The following ABAT variants were observed in gnomAD, a reference collection of about 807,000 sequenced individuals.
ABAT encodes the protein 4-aminobutyrate aminotransferase.
ABAT carries 45 observed loss-of-function variants against 64.6 expected under a neutral mutation model. The ratio of observed to expected loss-of-function variants is 0.70; its 90% CI spans 0.55 to 0.89. The LOEUF is 0.89. ABAT is among the 40% of genes least tolerant of loss of function. The pLI, the probability that ABAT is intolerant of heterozygous loss-of-function variation, is 0.00. For synonymous variants in ABAT, 297 were observed against 250.5 expected (o/e 1.19, Z -1.75); for missense variants, 633 against 658.4 (o/e 0.96, Z 0.42).
intron 1 of ABAT, among the ~76,000 whole-genome samples, chr16:8,694,941 C>T (rs982496873): frequency 3.9e-5 from 6 of 152,260 alleles, no homozygotes; most frequent in South Asian, 2.1e-4. Context: ...CCCGCCTACA[C>T]TCTGCCTTCC....
chr16:8,775,849 T>C (rs891144589), intron 13 of ABAT, among the ~76,000 whole-genome samples: 1 of 151,890 alleles, frequency 6.6e-6, no homozygotes, highest in Non-Finnish European at 1.5e-5. Flanking sequence ...CTGGGAAGGG[T>C]GTTTCAGTTA....
chr16:8,694,482 C>G (rs1387206355), intron 1 of ABAT, among the ~76,000 whole-genome samples: 2 of 152,034 alleles, frequency 1.3e-5, no homozygotes, highest in Non-Finnish European at 2.9e-5. Context: ...CCTTGAGCTC[C>G]TGGGCTTAAG....
At chr16:8,722,192 C>T (rs907978984) in intron 1 of ABAT, among the ~76,000 whole-genome samples, 5 of 152,200 alleles carry the variant, frequency 3.3e-5, no homozygotes, top group African/African-American at 1.2e-4. Flanking sequence ...CTTGGGCGGT[C>T]CACTCTGTCC....
At chr16:8,740,539 T>A (rs1042306628) in intron 2 of ABAT, among the ~76,000 whole-genome samples, 1 of 152,126 alleles carries the variant, frequency 6.6e-6, no homozygotes, top group Non-Finnish European at 1.5e-5. Context: ...TGGCAACTGC[T>A]CCCTCAAAGC....
intron 1 of ABAT, among the ~76,000 whole-genome samples, chr16:8,685,029 A>G (rs2057420886): frequency 6.6e-6 from 1 of 152,126 alleles, no homozygotes; most frequent in Non-Finnish European, 1.5e-5. Context: ...TCATGCCTGC[A>G]ATCCTAGCAC....
At chr16:8,733,522 T>C (rs1398252132) in intron 1 of ABAT, among the ~76,000 whole-genome samples, 1 of 151,890 alleles carries the variant, frequency 6.6e-6, no homozygotes, top group Admixed American at 6.5e-5. Flanking sequence ...ATCACGCCGC[T>C]GCACTCCAGC....
chr16:8,760,718 C>T (rs752501276), intron 6 of ABAT, among the ~76,000 whole-genome samples: 17 of 152,212 alleles, frequency 1.1e-4, no homozygotes, highest in Non-Finnish European at 2.1e-4. Flanking sequence ...ACACATCAGA[C>T]ACATTTGCAG....
At chr16:8,746,446 G>T (rs62031065) in intron 3 of ABAT, among the ~76,000 whole-genome samples, 92,852 of 151,146 alleles carry the variant, frequency 0.61, 31,009 homozygotes, top group East Asian at 0.77. Flanking sequence ...CCAGCTACTC[G>T]GGAGGCTGAG....
At chr16:8,699,866 T>A (rs749410899) in intron 1 of ABAT, among the ~76,000 whole-genome samples, 1 of 152,072 alleles carries the variant, frequency 6.6e-6, no homozygotes, top group Non-Finnish European at 1.5e-5. Context: ...CAGGCTGGAG[T>A]GCAGTGGCAC....
chr16:8,721,145 G>C, intron 1 of ABAT, among the ~76,000 whole-genome samples: 1 of 152,086 alleles, frequency 6.6e-6, no homozygotes, highest in Non-Finnish European at 1.5e-5. Flanking sequence ...TATACGGCGG[G>C]TCAGTGAGAG....
intron 1 of ABAT, among the ~76,000 whole-genome samples, chr16:8,726,540 G>C (rs1425667780): frequency 6.6e-6 from 1 of 152,096 alleles, no homozygotes; most frequent in Non-Finnish European, 1.5e-5. Flanking sequence ...CCACTGCGCT[G>C]AATAGTACTC....
At chr16:8,760,005 A>T (rs564980768) in intron 6 of ABAT, 6 of 152,296 alleles carry the variant, frequency 3.9e-5, no homozygotes, top group African/African-American at 9.6e-5. Flanking sequence ...CCCTCTGCGG[A>T]TATCCTGCAA....
chr16:8,714,471 G>C (rs920569461), intron 1 of ABAT: 2 of 152,492 alleles, frequency 1.3e-5, no homozygotes, highest in South Asian at 4.1e-4. Context: ...CTGGACAGCC[G>C]CTCTCTTCAC....
chr16:8,754,207 T>G (rs1197402942), intron 5 of ABAT, among the ~76,000 whole-genome samples: 1 of 36,320 alleles, frequency 2.8e-5, no homozygotes, highest in African/African-American at 7.3e-5. Flanking sequence ...AAAAAAAAAT[T>G]AGCCGGGCAT....
intron 4 of ABAT, among the ~76,000 whole-genome samples, chr16:8,750,071 A>G (rs58127888): frequency 0.021 from 3,256 of 152,204 alleles, 124 homozygotes; most frequent in African/African-American, 0.073. Context: ...TAACATTTTT[A>G]TTTCTTTAAT....
intron 1 of ABAT, among the ~76,000 whole-genome samples, chr16:8,707,795 C>T (rs1394703057): frequency 6.6e-6 from 1 of 152,034 alleles, no homozygotes; most frequent in Non-Finnish European, 1.5e-5. Context: ...GTCTTGAACT[C>T]CTCAGCTCAA....
chr16:8,680,708 A>G (rs559813083), intron 1 of ABAT, among the ~76,000 whole-genome samples: 4 of 152,152 alleles, frequency 2.6e-5, no homozygotes, highest in African/African-American at 9.6e-5. Flanking sequence ...GATTACTGGC[A>G]TGAGCCACTG....
At chr16:8,773,301 G>T (rs938148093) in intron 12 of ABAT, among the ~76,000 whole-genome samples, 1 of 151,898 alleles carries the variant, frequency 6.6e-6, no homozygotes, top group Non-Finnish European at 1.5e-5. Context: ...ACAGGCACAC[G>T]TCACCATACC....
intron 2 of ABAT, among the ~76,000 whole-genome samples, chr16:8,745,447 A>G (rs1029216484): frequency 2.0e-5 from 3 of 152,142 alleles, no homozygotes; most frequent in African/African-American, 7.2e-5. Context: ...CTGTAATCCC[A>G]GCACTTTGGG....
Sources: gnomAD v4.1 joint callset for allele counts (sites outside exome capture counted in the v4.1 genomes callset) on GRCh38, gnomAD v4.1.1 for gene constraint, MANE v1.5 for transcripts, NCBI Gene and HGNC (gene_info 2026-07-23, HGNC 2026-07-21) for gene names.